UPP2: variants seen among roughly 807,000 people sequenced by gnomAD.
UPP2 encodes UPase 2.
Under a neutral mutation model 26.7 loss-of-function variants are expected in UPP2, and 23 were observed. That is an observed-to-expected ratio of 0.86 (90% CI 0.62 to 1.22). The LOEUF (loss-of-function observed/expected upper bound fraction) is 1.22. UPP2 is among the 50% of genes most tolerant of loss of function. UPP2 has a pLI of 0.00. For synonymous variants in UPP2, 127 were observed against 141.3 expected, an observed-to-expected ratio of 0.90 and a Z score of 0.72; for missense variants, 387 against 396.7, an observed-to-expected ratio of 0.98 and a Z score of 0.21.
intron 3 of UPP2, among the ~76,000 whole-genome samples, chr2:158,023,327 G>A (rs1683785490): frequency 6.6e-6 from 1 of 151,954 alleles, no homozygotes; most frequent in Non-Finnish European, 1.5e-5. Flanking sequence ...TATTGGCAGA[G>A]GATCTCAATT....
chr2:158,131,906 G>A (rs926327494), intron 6 of UPP2, among the ~76,000 whole-genome samples: 7 of 152,190 alleles, frequency 4.6e-5, no homozygotes, highest in Admixed American at 3.3e-4. Flanking sequence ...GCTATAACCT[G>A]TTCTTTTCTA....
At chr2:158,134,649 C>A (rs1004249007) in intron 6 of UPP2, 99 bp from the exon 7 acceptor site, 46 of 1,353,950 alleles carry the variant, frequency 3.4e-5, no homozygotes, top group Non-Finnish European at 4.2e-5. Context: ...CAAAAATACA[C>A]AAAAGTACAT....
chr2:158,073,912 C>G (rs930273332), intron 3 of UPP2, among the ~76,000 whole-genome samples: 1 of 152,240 alleles, frequency 6.6e-6, no homozygotes, highest in East Asian at 1.9e-4. Flanking sequence ...TAGTGGCTGA[C>G]GTCTGTAATT....
Position 158,082,645 on chromosome 2 carries a change from G to A in UPP2, c.148-19395G>A, listed in dbSNP as rs148624307. 9.5e-4 allele frequency among the ~76,000 whole-genome samples: 144 copies of A among 152,204 alleles called. 2 individuals are homozygous for A. The highest frequency in any genetic ancestry group is 2.9e-3 in the African/African-American group (119 of 41,544). On this transcript the variant is annotated intron_variant, in intron 3 of 9. Transcript: ENST00000605860. ...AAGCAATACCATTCATGACATGAGCGTAGGCGAAGATTTCATGACTAAAAC... is the reference window on the plus strand; with the variant it reads ...AAGCAATACCATTCATGACATGAGCATAGGCGAAGATTTCATGACTAAAAC...
chr2:158,037,411 T>A (rs1402521108), intron 3 of UPP2, among the ~76,000 whole-genome samples: 1 of 151,960 alleles, frequency 6.6e-6, no homozygotes, highest in African/African-American at 2.4e-5. Flanking sequence ...TTTGGGGGGA[T>A]ATATTAGTTT....
At chr2:158,034,340 C>G (rs1056303200) in intron 3 of UPP2, among the ~76,000 whole-genome samples, 1 of 152,188 alleles carries the variant, frequency 6.6e-6, no homozygotes, top group African/African-American at 2.4e-5. Flanking sequence ...TGTTCCTCTT[C>G]CAGTGCAGAA....
At chr2:158,094,993 G>T (rs981040469) in intron 3 of UPP2, among the ~76,000 whole-genome samples, 4 of 152,136 alleles carry the variant, frequency 2.6e-5, no homozygotes, top group African/African-American at 9.7e-5. Context: ...CACCAGAATG[G>T]CCAGTCACAG....
At chr2:158,101,837 T>G, upstream of UPP2, 1 of 1,305,082 alleles carries the variant, frequency 7.7e-7, no homozygotes, top group Non-Finnish European at 9.7e-7. Flanking sequence ...AGCTGGGCTG[T>G]GGTATAAAAG....
At chr2:158,025,434 G>C (rs536209946) in intron 3 of UPP2, among the ~76,000 whole-genome samples, 1 of 152,254 alleles carries the variant, frequency 6.6e-6, no homozygotes, top group East Asian at 1.9e-4. Flanking sequence ...GGCCTGCAGG[G>C]AGGAGCAGCT....
intron 3 of UPP2, chr2:158,065,944 G>A: frequency 2.0e-6 from 1 of 495,084 alleles, no homozygotes; most frequent in African/African-American, 2.0e-5. Flanking sequence ...CAATTCGCAA[G>A]AAAAAAGCAG....
chr2:158,029,655 C>T (rs1558908382), intron 3 of UPP2, among the ~76,000 whole-genome samples: 1 of 150,972 alleles, frequency 6.6e-6, no homozygotes, highest in East Asian at 2.0e-4. Context: ...ACTGGGCACT[C>T]CTTACCTATA....
At chr2:158,075,100 A>C (rs1682610390) in intron 3 of UPP2, among the ~76,000 whole-genome samples, 1 of 152,106 alleles carries the variant, frequency 6.6e-6, no homozygotes, top group Non-Finnish European at 1.5e-5. Context: ...ATATGCACCC[A>C]AAATTGAAGT....
At position 158,117,931 on chromosome 2, in the gene UPP2, G is replaced by C; in HGVS notation, c.447G>C (p.Gly149=). The C allele has an allele frequency of 6.2e-7, 1 of 1,607,892 alleles. No homozygotes were observed. The highest frequency in any genetic ancestry group is 8.5e-7 in the Non-Finnish European group (1 of 1,174,340). The part of the protein sequence containing the change: ...DVTIIRIGTS[G]GIGIAPGTVV... Reference sequence around the variant, plus strand: ...CCATTATTAGAATCGGTACATCAGGGGGAATAGGTGAGACGGATTGATGTC... The same window carrying C: ...CCATTATTAGAATCGGTACATCAGGCGGAATAGGTGAGACGGATTGATGTC... The change falls in exon 4 of 7, where the codon GGG becomes GGC. Residue 149 remains glycine, a synonymous_variant. Transcript: ENST00000005756.
intron 3 of UPP2, among the ~76,000 whole-genome samples, chr2:158,116,046 C>T (rs947955535): frequency 6.6e-6 from 1 of 152,200 alleles, no homozygotes; most frequent in African/African-American, 2.4e-5. Context: ...TAAGTGGCTC[C>T]TACCATAGGG....
chr2:158,032,082 G>A (rs1021186266), intron 3 of UPP2, among the ~76,000 whole-genome samples: 1 of 152,170 alleles, frequency 6.6e-6, no homozygotes, highest in African/African-American at 2.4e-5. Context: ...TGTAAACTAT[G>A]ATAGATGAAG....
At chr2:158,075,039 C>T (rs918672554) in intron 3 of UPP2, among the ~76,000 whole-genome samples, 1 of 151,738 alleles carries the variant, frequency 6.6e-6, no homozygotes. Context: ...AAAGTCATTA[C>T]ATAATGAAAA....
chr2:158,006,658 A>T (rs1253299851), intron 2 of UPP2, among the ~76,000 whole-genome samples: 1 of 152,184 alleles, frequency 6.6e-6, no homozygotes, highest in Non-Finnish European at 1.5e-5. Flanking sequence ...GAATTAAAAA[A>T]ATAAAAGCAA....
intron 3 of UPP2, among the ~76,000 whole-genome samples, chr2:158,036,268 G>C (rs1478680676): frequency 2.0e-5 from 3 of 152,184 alleles, no homozygotes; most frequent in Non-Finnish European, 4.4e-5. Context: ...TGTTTCACAA[G>C]TTTCTTTTTT....
At chr2:158,026,167 AT>A (rs1476538856) in intron 3 of UPP2, among the ~76,000 whole-genome samples, 1 of 152,070 alleles carries the variant, frequency 6.6e-6, no homozygotes, top group African/African-American at 2.4e-5. Context: ...TTTCTTAGAT[AT>A]TTGGAGAGTG....
Sources: gnomAD v4.1 joint callset for allele counts (sites outside exome capture counted in the v4.1 genomes callset) on GRCh38, gnomAD v4.1.1 for gene constraint, MANE v1.5 for transcripts, NCBI Gene and HGNC (gene_info 2026-07-23, HGNC 2026-07-21) for gene names.